The following SETDB2 variants were observed in gnomAD, a reference collection of about 807,000 sequenced individuals.
The protein encoded by SETDB2 is histone-lysine N-methyltransferase SETDB2.
In SETDB2, 56 loss-of-function variants were observed where a neutral mutation model predicts 82.5. The ratio of observed to expected loss-of-function variants is 0.68; its 90% CI spans 0.55 to 0.85. The LOEUF (loss-of-function observed/expected upper bound fraction) is 0.85, where lower values mean the gene tolerates loss of function less well. Ranked by LOEUF, SETDB2 falls within the 40% of genes least tolerant of loss-of-function variation. The pLI is 0.00. For missense variants in SETDB2, 677 were observed against 816.4 expected (o/e 0.83, Z 2.08); for synonymous variants, 272 against 284.9 (o/e 0.95, Z 0.46).
At position 49,476,824 on chromosome 13, in the gene SETDB2, G is replaced by T. The variant is rs1193523724; in HGVS notation, c.654G>T (p.Leu218Phe). Reference sequence around the variant, plus strand: ...TTTCTTTCAATACCTATGTTCAGTTGGCTCGGAATTACCCAAAGCAAAAAG... The same window carrying T: ...TTTCTTTCAATACCTATGTTCAGTTTGCTCGGAATTACCCAAAGCAAAAAG... ...DNFSFNTYVQ[L>F]ARNYPKQKEV... Residue 218 changes from leucine (L) to phenylalanine (F), a missense_variant, in exon 6 of 14, where the codon TTG becomes TTT. Leu to Phe is a conservative substitution (Grantham distance 22, BLOSUM62 0). Coordinates refer to ENST00000611815, the MANE Select transcript of SETDB2 (RefSeq NM_001160308.3). 6.2e-7 allele frequency: 1 copy of T among 1,613,852 alleles called. No individual in the cohort carries two copies. Among genetic ancestry groups the T allele is most frequent in the African/African-American group, 1.3e-5 (1 of 74,878 alleles).
intron 10 of SETDB2, among the ~76,000 whole-genome samples, chr13:49,484,431 A>C (rs1294959317): frequency 6.6e-6 from 1 of 151,960 alleles, no homozygotes; most frequent in Non-Finnish European, 1.5e-5. Context: ...CACCATGCCC[A>C]GCTACTTTTT....
Position 49,493,740 on chromosome 13 carries a change from T to G in SETDB2, c.*1891T>G, listed in dbSNP as rs1778112783. On this transcript the variant is annotated 3_prime_UTR_variant, in exon 14 of 14. Coordinates refer to ENST00000611815, the MANE Select transcript of SETDB2 (RefSeq NM_001160308.3). ...TCTTTAGTGGTCTCCATGCCCAGTT[T>G]TGAAGACATCTGCTAGCTTTCAGTG... 1 of 152,276 alleles carries G rather than the reference T, an allele frequency of 6.6e-6. No individual in the cohort carries two copies. The highest frequency in any genetic ancestry group is 2.4e-5 in the African/African-American group (1 of 41,468). 9.4% of individuals were successfully genotyped at this position (152,276 alleles called of 1,614,324 possible). A position where few individuals can be genotyped will look rare whatever the true frequency, so the allele number is the denominator to read the frequency against.
Position 49,484,356 on chromosome 13 carries a change from G to A in SETDB2, c.1482+793G>A, listed in dbSNP as rs1053174288. Among the ~76,000 whole-genome samples the A allele has an allele frequency of 1.1e-4, 16 of 152,300 alleles. No homozygotes were observed. In the East Asian group the frequency reaches 2.7e-3, roughly 26 times the overall value. ...ACGATCTCAGCTTATTGCAACCTCTGCCTCCTGGGTTCAAGCGATTCCCCT... is the reference window on the plus strand; with the variant it reads ...ACGATCTCAGCTTATTGCAACCTCTACCTCCTGGGTTCAAGCGATTCCCCT... On this transcript the variant is annotated intron_variant, in intron 10 of 13. Coordinates refer to ENST00000611815, the MANE Select transcript of SETDB2 (RefSeq NM_001160308.3).
intron 2 of SETDB2, 40 bp from the exon 3 acceptor site, chr13:49,460,067 T>C: frequency 6.3e-7 from 1 of 1,574,952 alleles, no homozygotes; most frequent in Non-Finnish European, 8.6e-7. Context: ...TATAGTATTT[T>C]TCTATTAGCT....
rs1958746681 is a variant in SETDB2, at chr13:49,493,296, TTGA to T, written c.*1449_*1451del. On this transcript the variant is annotated 3_prime_UTR_variant, in exon 14 of 14. Transcript: ENST00000611815. Reference sequence around the variant, plus strand: ...CTAAAATGAAATGGGGGAAAAAAGCTTGATCAGTATGGGAACCATTTTTGTGCA... The same window carrying T: ...CTAAAATGAAATGGGGGAAAAAAGCTTCAGTATGGGAACCATTTTTGTGCA... The T allele has an allele frequency of 6.6e-6, 1 of 152,216 alleles. No homozygotes were observed. Among genetic ancestry groups the T allele is most frequent in the African/African-American group, 2.4e-5 (1 of 41,452 alleles). 9.4% of individuals were successfully genotyped at this position (152,216 alleles called of 1,614,324 possible).
At chr13:49,447,220 C>G (rs1957707326) in intron 1 of SETDB2, among the ~76,000 whole-genome samples, 1 of 152,020 alleles carries the variant, frequency 6.6e-6, no homozygotes, top group Admixed American at 6.5e-5. Context: ...TTTTAGAAGT[C>G]TCTTTGGTGT....
rs1173985632 is a variant in SETDB2 at position 49,462,889 on chromosome 13, A to C, written c.208+1727A>C. Among the ~76,000 whole-genome samples the C allele has an allele frequency of 5.9e-5, 9 of 152,342 alleles. No individual in the cohort carries two copies. In the East Asian group the frequency reaches 9.6e-4, roughly 16 times the overall value. On this transcript the variant is annotated intron_variant, in intron 4 of 13. Coordinates refer to ENST00000611815, the MANE Select transcript of SETDB2 (RefSeq NM_001160308.3). Reference sequence around the variant, plus strand: ...CAGTCTTCCTTTCACAGTATCCTTCAGTAACACTCGGAATTGTAGGGGAGG... The same window carrying C: ...CAGTCTTCCTTTCACAGTATCCTTCCGTAACACTCGGAATTGTAGGGGAGG...
rs1958770458 is a variant in SETDB2 at position 49,494,582 on chromosome 13, T to G, written c.*2733T>G. The stretch of plus-strand genomic sequence containing the variant: ...GAACACCCTAATGTCAGTCTCTTTA[T>G]AAAGGGCCTTTCATTTTGGCCTGGC... On this transcript the variant is annotated 3_prime_UTR_variant, in exon 14 of 14. Transcript: ENST00000611815. The G allele has an allele frequency of 6.6e-6, 1 of 152,216 alleles. No individual in the cohort carries two copies. The highest frequency in any genetic ancestry group is 2.4e-5 in the African/African-American group (1 of 41,448). The allele number at this position is 152,216 out of a possible 1,614,324, so 9.4% of individuals were successfully genotyped here.
At chr13:49,456,407 T>A (rs1957882959) in intron 2 of SETDB2, among the ~76,000 whole-genome samples, 1 of 152,162 alleles carries the variant, frequency 6.6e-6, no homozygotes, top group Admixed American at 6.5e-5. Context: ...ACAAGGCTGC[T>A]ACACTTCTTG....
At chr13:49,479,240 G>A (rs1163217599) in intron 6 of SETDB2, among the ~76,000 whole-genome samples, 2 of 152,138 alleles carry the variant, frequency 1.3e-5, no homozygotes, top group African/African-American at 2.4e-5. Context: ...TGGTGTATAT[G>A]TGGTGTGTAT....
In SETDB2 at chr13:49,483,477, GATA is replaced by G; in HGVS notation, c.1400_1402del (p.Asn467del). The G allele has an allele frequency of 7.3e-7, 1 of 1,367,050 alleles. No individual in the cohort carries two copies. The highest frequency in any genetic ancestry group is 1.0e-6 in the Non-Finnish European group (1 of 1,004,738). 84.7% of individuals were successfully genotyped at this position (1,367,050 alleles called of 1,614,324 possible). On this transcript the variant is annotated inframe_deletion, in exon 10 of 14. Transcript: ENST00000611815. ...TTTCCTTTTTAGGGAAACGAAATAT[GATA>G]ATATTTCAAGAATTCAATATCATTC...
At chr13:49,446,051 C>T (rs1195132402) in intron 1 of SETDB2, 1 of 239,434 alleles carries the variant, frequency 4.2e-6, no homozygotes, top group African/African-American at 2.4e-5. Context: ...CAACATAGAC[C>T]TCATGTCTAA....
chr13:49,460,357 A>G (rs748651700), intron 3 of SETDB2, 125 bp downstream of exon 3: 11 of 990,988 alleles, frequency 1.1e-5, no homozygotes, highest in Non-Finnish European at 1.5e-5. Context: ...TTTGAATAAT[A>G]CCTACTGAAT....
chr13:49,484,335 T>C (rs1004739059), intron 10 of SETDB2, among the ~76,000 whole-genome samples: 2 of 152,244 alleles, frequency 1.3e-5, no homozygotes, highest in Non-Finnish European at 2.9e-5. Context: ...AATGGCACGA[T>C]CTCAGCTTAT....
intron 11 of SETDB2, among the ~76,000 whole-genome samples, chr13:49,487,216 G>A (rs368737214): frequency 6.6e-6 from 1 of 152,146 alleles, no homozygotes; most frequent in African/African-American, 2.4e-5. Flanking sequence ...TAAATCAAGA[G>A]CCTCAATTTT....
At chr13:49,446,585 T>C (rs974529530) in intron 1 of SETDB2, among the ~76,000 whole-genome samples, 2 of 152,246 alleles carry the variant, frequency 1.3e-5, no homozygotes, top group African/African-American at 2.4e-5. Context: ...TTCTTGACAT[T>C]GTTTTTGCAG....
intron 8 of SETDB2, among the ~76,000 whole-genome samples, chr13:49,481,754 C>G (rs2138964966): frequency 6.6e-6 from 1 of 152,296 alleles, no homozygotes; most frequent in South Asian, 2.1e-4. Context: ...AGGCAAAATC[C>G]CTTATTTTCT....
chr13:49,485,131 A>C (rs1450273568), intron 10 of SETDB2, among the ~76,000 whole-genome samples: 1 of 152,224 alleles, frequency 6.6e-6, no homozygotes, highest in African/African-American at 2.4e-5. Flanking sequence ...TTGGTTGCCA[A>C]GCATTGTGCT....
At chr13:49,464,160 G>A (rs1958054493) in intron 4 of SETDB2, 3 of 714,878 alleles carry the variant, frequency 4.2e-6, no homozygotes, top group East Asian at 2.6e-5. Flanking sequence ...GGTCCTATGA[G>A]AATAAGTGAA....
Sources: gnomAD v4.1 joint callset for allele counts (sites outside exome capture counted in the v4.1 genomes callset) on GRCh38, gnomAD v4.1.1 for gene constraint, MANE v1.5 for transcripts, NCBI Gene and HGNC (gene_info 2026-07-23, HGNC 2026-07-21) for gene names.